The following MOK variants were observed in gnomAD, a reference collection of about 807,000 sequenced individuals.
MOK encodes the protein MOK protein kinase, also known as MAPK/MAK/MRK overlapping kinase.
A neutral mutation model predicts 54.2 loss-of-function variants in MOK; 59 were observed. The ratio of observed to expected loss-of-function variants is 1.09; its 90% CI spans 0.88 to 1.35. MOK has a LOEUF of 1.35. Ranked by LOEUF, MOK falls within the 40% of genes most tolerant of loss-of-function variation. MOK has a pLI of 0.00. For missense variants in MOK, 517 were observed against 526.2 expected, an observed-to-expected ratio of 0.98 and a Z score of 0.17; for synonymous variants, 210 against 202.7, an observed-to-expected ratio of 1.04 and a Z score of -0.31.
chr14:102,250,692 A>T, intron 7 of MOK, 120 bp downstream of exon 7: 2 of 1,035,442 alleles, frequency 1.9e-6, no homozygotes, highest in Non-Finnish European at 1.4e-6. Context: ...AATTAAAAAC[A>T]GTAAAACAGA....
At chr14:102,246,639 T>C (rs1260491400) in intron 7 of MOK, among the ~76,000 whole-genome samples, 1 of 152,128 alleles carries the variant, frequency 6.6e-6, no homozygotes, top group African/African-American at 2.4e-5. Context: ...GAAATCCTCA[T>C]TAACTGCCCC....
rs545796812 is a variant in MOK, at chr14:102,305,154, C to T, written c.-186G>A. ...GTTGTGTCCCTGTCACCCTAGCAAC[C>T]GTCAGGCCCTGAACGCCATGAGCTG... On this transcript the variant is annotated 5_prime_UTR_variant, in exon 1 of 12. Coordinates refer to ENST00000361847, the MANE Select transcript of MOK (RefSeq NM_014226.3). 4.2e-6 allele frequency: 3 copies of T among 717,468 alleles called. No individual in the cohort carries two copies. The South Asian group carries it at 5.1e-5, about 12-fold the overall frequency. 44.4% of individuals were successfully genotyped at this position (717,468 alleles called of 1,614,324 possible). A position where few individuals can be genotyped will look rare whatever the true frequency, so the allele number is the denominator to read the frequency against.
intron 1 of MOK, among the ~76,000 whole-genome samples, chr14:102,293,158 A>C (rs1567241467): frequency 6.6e-6 from 1 of 152,166 alleles, no homozygotes; most frequent in Non-Finnish European, 1.5e-5. Context: ...ATGAACAAAC[A>C]AAAAACTTCA....
At chr14:102,216,311 C>T in the MOK span, among the ~76,000 whole-genome samples, 2 of 152,284 alleles carry the variant, frequency 1.3e-5, no homozygotes, top group South Asian at 4.1e-4. Flanking sequence ...CTGAACAGGG[C>T]GTTTTGGTTT....
intron 2 of MOK, among the ~76,000 whole-genome samples, chr14:102,274,439 C>T (rs970619067): frequency 6.7e-6 from 1 of 149,956 alleles, no homozygotes. Flanking sequence ...TATTTTCAAT[C>T]GAGATGGGGT....
chr14:102,224,273 C>T (rs1240636898), downstream of MOK, among the ~76,000 whole-genome samples: 1 of 151,924 alleles, frequency 6.6e-6, no homozygotes, highest in East Asian at 1.9e-4. Context: ...ATCTCCTGAC[C>T]TCGTGATCCG....
At chr14:102,286,592 C>A (rs1290338521) in intron 1 of MOK, among the ~76,000 whole-genome samples, 5 of 151,988 alleles carry the variant, frequency 3.3e-5, no homozygotes, top group Admixed American at 2.0e-4. Context: ...GCCTGGGCGA[C>A]AGAGGGAGAC....
At chr14:102,233,664 C>G in intron 8 of MOK, 24 bp downstream of exon 8, 1 of 1,596,042 alleles carries the variant, frequency 6.3e-7, no homozygotes, top group Non-Finnish European at 8.6e-7. Context: ...GGGTCCACAT[C>G]CACTCTCAGA....
intron 3 of MOK, 90 bp from the exon 4 acceptor site, chr14:102,263,706 G>C (rs2067662516): frequency 7.1e-6 from 6 of 841,188 alleles, no homozygotes; most frequent in Non-Finnish European, 9.2e-6. Flanking sequence ...AACATTTCTA[G>C]TAAACATTAG....
At position 102,263,695 on chromosome 14, in the gene MOK, A is replaced by G. The variant is rs1041337336; in HGVS notation, c.213-79T>C. 9.2e-6 allele frequency: 9 copies of G among 975,672 alleles called. No homozygotes were observed. In the African/African-American group the frequency reaches 1.3e-4, roughly 14 times the overall value. 60.4% of individuals were successfully genotyped at this position (975,672 alleles called of 1,614,324 possible). A position where few individuals can be genotyped will look rare whatever the true frequency, so the allele number is the denominator to read the frequency against. On this transcript the variant is annotated intron_variant, in intron 3 of 11. Transcript: ENST00000361847. ...ATAATCCAATATTTAATTCATTTGT[A>G]AACATTTCTAGTAAACATTAGGTAC... is the stretch of plus-strand genomic sequence containing the variant.
chr14:102,271,269 G>C (rs569941557), intron 2 of MOK, among the ~76,000 whole-genome samples: 1 of 152,092 alleles, frequency 6.6e-6, no homozygotes, highest in Non-Finnish European at 1.5e-5. Flanking sequence ...CATAGTTCTG[G>C]TTTTTTTCTT....
At chr14:102,274,502 C>T (rs539484486) in intron 2 of MOK, among the ~76,000 whole-genome samples, 2 of 151,736 alleles carry the variant, frequency 1.3e-5, no homozygotes, top group African/African-American at 2.4e-5. Context: ...GTGATCAGCC[C>T]ACTTTCAGCC....
At chr14:102,276,909 T>C (rs922215731) in intron 2 of MOK, among the ~76,000 whole-genome samples, 4 of 151,816 alleles carry the variant, frequency 2.6e-5, no homozygotes, top group Admixed American at 6.6e-5. Flanking sequence ...AGTGCAGTGG[T>C]GTGATCATGG....
At chr14:102,222,791 G>T, downstream of MOK, 2 of 1,613,350 alleles carry the variant, frequency 1.2e-6, no homozygotes, top group Non-Finnish European at 1.7e-6. The surrounding 1 kb of genome is among the most constrained non-coding windows in gnomAD (Gnocchi z 4.4). Context: ...TTGCCCGTCC[G>T]GTGTTTTGCT....
At chr14:102,295,963 TG>T (rs2071373738) in intron 1 of MOK, among the ~76,000 whole-genome samples, 1 of 152,012 alleles carries the variant, frequency 6.6e-6, no homozygotes, top group African/African-American at 2.4e-5. Context: ...TAGCAACACC[TG>T]GCTAGGCATA....
chr14:102,257,556 C>T (rs988595902), intron 4 of MOK, among the ~76,000 whole-genome samples: 1 of 152,228 alleles, frequency 6.6e-6, no homozygotes, highest in Non-Finnish European at 1.5e-5. Context: ...CATCCACCTA[C>T]AGCACATTTA....
chr14:102,295,255 G>T (rs2071305597), intron 1 of MOK, among the ~76,000 whole-genome samples: 1 of 152,026 alleles, frequency 6.6e-6, no homozygotes, highest in Admixed American at 6.6e-5. Flanking sequence ...TAACAGAGCT[G>T]GATGAAAAAG....
Position 102,245,424 on chromosome 14 carries a change from C to T in MOK, c.590+5388G>A, listed in dbSNP as rs572948365. ...GGAATGTCAGGCCTCTAAGCCCAAGCCTGCACATATACATCCAGATGGCCT... is the reference window on the plus strand; with the variant it reads ...GGAATGTCAGGCCTCTAAGCCCAAGTCTGCACATATACATCCAGATGGCCT... On this transcript the variant is annotated intron_variant, in intron 7 of 11. Transcript: ENST00000361847. This position sits in a 1 kb window ranked among gnomAD's most constrained non-coding sequence, Gnocchi z 4.3. Among the ~76,000 whole-genome samples the T allele has an allele frequency of 1.3e-5, 2 of 152,164 alleles. No homozygotes were observed. The highest frequency in any genetic ancestry group is 1.9e-4 in the East Asian group (1 of 5,176).
intron 7 of MOK, chr14:102,246,173 C>T (rs1466659291): frequency 6.6e-6 from 1 of 152,158 alleles, no homozygotes; most frequent in Non-Finnish European, 1.5e-5. Context: ...GAATCACAAT[C>T]ACTATCAAAC....
Sources: gnomAD v4.1 joint callset for allele counts (sites outside exome capture counted in the v4.1 genomes callset) on GRCh38, gnomAD v4.1.1 for gene constraint, Gnocchi (gnomAD v3.1) non-coding constraint, MANE v1.5 for transcripts, NCBI Gene and HGNC (gene_info 2026-07-23, HGNC 2026-07-21) for gene names.